The following RFTN1 variants were observed in gnomAD, a reference collection of about 807,000 sequenced individuals.
RFTN1 encodes raftlin, lipid raft linker 1, also known as raftlin.
Under a neutral mutation model 46.5 loss-of-function variants are expected in RFTN1, and 26 were observed. The ratio of observed to expected loss-of-function variants is 0.56; its 90% confidence interval spans 0.41 to 0.78. The LOEUF (loss-of-function observed/expected upper bound fraction) is 0.78, where lower values mean the gene tolerates loss of function less well. Ranked by LOEUF, RFTN1 falls within the 30% of genes least tolerant of loss-of-function variation. The pLI, the probability that RFTN1 is intolerant of heterozygous loss-of-function variation, is 0.00. For synonymous variants in RFTN1, 261 were observed against 284.2 expected (o/e 0.92, Z 0.82); for missense variants, 693 against 718.7 (o/e 0.96, Z 0.41).
chr3:16,381,913 C>G lies in RFTN1; in HGVS notation c.442-3811G>C, dbSNP rs2074006832. On this transcript the variant is annotated intron_variant, in intron 4 of 9. Transcript: ENST00000334133. The surrounding 1 kb of genome is among the most constrained non-coding windows in gnomAD (Gnocchi z 4.2). Reference sequence around the variant, plus strand: ...CCGACTCTCCCACCACAGTCATAACCTCAAGAGCAGAGGAGAGTGGGAGTC... The same window carrying G: ...CCGACTCTCCCACCACAGTCATAACGTCAAGAGCAGAGGAGAGTGGGAGTC... Among the ~76,000 whole-genome samples the G allele has an allele frequency of 6.6e-6, 1 of 152,164 alleles. No individual in the cohort carries two copies. The highest frequency in any genetic ancestry group is 6.5e-5 in the Admixed American group (1 of 15,278).
chr3:16,439,455 T>A (rs552207606), intron 2 of RFTN1, among the ~76,000 whole-genome samples: 1 of 152,324 alleles, frequency 6.6e-6, no homozygotes, highest in South Asian at 2.1e-4. Context: ...CCCCATCTCT[T>A]GGGACTCTCA....
Position 16,351,806 on chromosome 3 carries a change from C to T in RFTN1, c.1146+6126G>A, listed in dbSNP as rs2072123419. Among the ~76,000 whole-genome samples, 1 of 152,128 alleles carries T rather than the reference C, an allele frequency of 6.6e-6. No homozygotes were observed. The highest frequency in any genetic ancestry group is 2.1e-4 in the South Asian group (1 of 4,828). ...CTAAGTTGAATTCCTTGAATAGACT[C>T]AGCAAAGAACAATCACTAAAAAGTA... On this transcript the variant is annotated intron_variant, in intron 7 of 9. Coordinates refer to ENST00000334133, the MANE Select transcript of RFTN1 (RefSeq NM_015150.2). The surrounding 1 kb of genome is among the most constrained non-coding windows in gnomAD (Gnocchi z 5.4).
chr3:16,360,519 T>C (rs1230497143), intron 6 of RFTN1, among the ~76,000 whole-genome samples: 1 of 152,218 alleles, frequency 6.6e-6, no homozygotes, highest in Non-Finnish European at 1.5e-5. Context: ...GGTATGGTGA[T>C]ATGCAAAAGT....
Position 16,316,801 on chromosome 3 carries a change from C to A in RFTN1, c.*27G>T. 1.2e-6 allele frequency: 2 copies of A among 1,612,840 alleles called. No individual in the cohort carries two copies. The highest frequency in any genetic ancestry group is 1.7e-6 in the Non-Finnish European group (2 of 1,179,742). ...AGATGCCTTGGGTTTGGCAACTCACCTAGTTTTAGCACAAATTGCCCAAGA... is the reference window on the plus strand; with the variant it reads ...AGATGCCTTGGGTTTGGCAACTCACATAGTTTTAGCACAAATTGCCCAAGA... On this transcript the variant is annotated 3_prime_UTR_variant, in exon 10 of 10. Transcript: ENST00000334133. The surrounding 1 kb of genome is among the most constrained non-coding windows in gnomAD (Gnocchi z 4.5).
Position 16,458,710 on chromosome 3 carries a change from G to A in RFTN1, c.146-24673C>T, listed in dbSNP as rs1441532841. On this transcript the variant is annotated intron_variant, in intron 2 of 9. Transcript: ENST00000334133. The surrounding 1 kb of genome is among the most constrained non-coding windows in gnomAD (Gnocchi z 5.1). Reference sequence around the variant, plus strand: ...AAAACTCAGATCCACAAAACAGCAAGAAGCCAAATAATTCTCAAAACCATA... The same window carrying A: ...AAAACTCAGATCCACAAAACAGCAAAAAGCCAAATAATTCTCAAAACCATA... Among the ~76,000 whole-genome samples the A allele has an allele frequency of 6.6e-6, 1 of 152,174 alleles. No homozygotes were observed. The highest frequency in any genetic ancestry group is 2.4e-5 in the African/African-American group (1 of 41,446).
chr3:16,356,845 G>A lies in RFTN1; in HGVS notation c.1146+1087C>T, dbSNP rs921258410. Among the ~76,000 whole-genome samples the A allele has an allele frequency of 3.3e-5, 5 of 152,294 alleles. 1 individual carries two copies. Among genetic ancestry groups the A allele is most frequent in the Admixed American group, 3.3e-4 (5 of 15,302 alleles). On this transcript the variant is annotated intron_variant, in intron 7 of 9. Coordinates refer to ENST00000334133, the MANE Select transcript of RFTN1 (RefSeq NM_015150.2). This position sits in a 1 kb window ranked among gnomAD's most constrained non-coding sequence, Gnocchi z 4.9. ...TTCTCTATGTCCATGGCTGGGCACG[G>A]TGGCTCACGCTGTAATCCCAGCACT...
chr3:16,451,714 A>G lies in RFTN1; in HGVS notation c.146-17677T>C, dbSNP rs1356890251. ...TAACTTTTGCAGCCTGAGGTGTGAC[A>G]GCAAAACTACTAGCGTGATTTTTTT... On this transcript the variant is annotated intron_variant, in intron 2 of 9. Coordinates refer to ENST00000334133, the MANE Select transcript of RFTN1 (RefSeq NM_015150.2). This position sits in a 1 kb window ranked among gnomAD's most constrained non-coding sequence, Gnocchi z 4.2. Among the ~76,000 whole-genome samples the G allele has an allele frequency of 6.6e-6, 1 of 152,238 alleles. No homozygotes were observed. The highest frequency in any genetic ancestry group is 2.4e-5 in the African/African-American group (1 of 41,454).
intron 2 of RFTN1, 119 bp downstream of exon 2, chr3:16,493,606 G>T: frequency 1.1e-6 from 1 of 946,516 alleles, no homozygotes; most frequent in Non-Finnish European, 1.6e-6. Flanking sequence ...AGACAGGCCT[G>T]CCCTTTTCAT....
rs2124968604 is a variant in RFTN1 at position 16,480,914 on chromosome 3, G to C, written c.145+12811C>G. ...TTGACAGATAACAGTCATCAGCAAGGAATTTCATTTTACTGAAGGCAGGCT... is the reference window on the plus strand; with the variant it reads ...TTGACAGATAACAGTCATCAGCAAGCAATTTCATTTTACTGAAGGCAGGCT... On this transcript the variant is annotated intron_variant, in intron 2 of 9. Coordinates refer to ENST00000334133, the MANE Select transcript of RFTN1 (RefSeq NM_015150.2). This position sits in a 1 kb window ranked among gnomAD's most constrained non-coding sequence, Gnocchi z 4.3. Among the ~76,000 whole-genome samples, 1 of 152,002 alleles carries C rather than the reference G, an allele frequency of 6.6e-6. No individual in the cohort carries two copies. The highest frequency in any genetic ancestry group is 2.1e-4 in the South Asian group (1 of 4,812).
rs1048535016 is a variant in RFTN1, at chr3:16,473,440, G to T, written c.145+20285C>A. 6.7e-6 allele frequency among the ~76,000 whole-genome samples: 1 copy of T among 149,716 alleles called. No homozygotes were observed. Among genetic ancestry groups the T allele is most frequent in the African/African-American group, 2.5e-5 (1 of 40,350 alleles). On this transcript the variant is annotated intron_variant, in intron 2 of 9. Coordinates refer to ENST00000334133, the MANE Select transcript of RFTN1 (RefSeq NM_015150.2). This position sits in a 1 kb window ranked among gnomAD's most constrained non-coding sequence, Gnocchi z 5.3. ...TCCTGAGATAGAGTCTGGCTCTGTC[G>T]CCAAGGCTGGAGTGCAGTGGTGTGA...
At chr3:16,375,530 G>A (rs1559304247) in intron 5 of RFTN1, among the ~76,000 whole-genome samples, 1 of 151,966 alleles carries the variant, frequency 6.6e-6, no homozygotes, top group Non-Finnish European at 1.5e-5. Flanking sequence ...ACCACTGAAA[G>A]GCTTATATGT....
In RFTN1 at chr3:16,381,770, T is replaced by C. The variant is rs1328575583; in HGVS notation, c.442-3668A>G. 6.6e-6 allele frequency among the ~76,000 whole-genome samples: 1 copy of C among 152,048 alleles called. No homozygotes were observed. Among genetic ancestry groups the C allele is most frequent in the African/African-American group, 2.4e-5 (1 of 41,392 alleles). ...CTAGAAATATTTCTGGAACATGACA[T>C]GAGAAACCAAGAGGAGCCCAGAAAT... On this transcript the variant is annotated intron_variant, in intron 4 of 9. Coordinates refer to ENST00000334133, the MANE Select transcript of RFTN1 (RefSeq NM_015150.2). This position sits in a 1 kb window ranked among gnomAD's most constrained non-coding sequence, Gnocchi z 4.2.
rs114508693 is a variant in RFTN1, at chr3:16,421,705, C to G, written c.332+12146G>C. Among the ~76,000 whole-genome samples, 5 of 152,132 alleles carry G rather than the reference C, an allele frequency of 3.3e-5. No homozygotes were observed. Among genetic ancestry groups the G allele is most frequent in the Admixed American group, 2.0e-4 (3 of 15,268 alleles). On this transcript the variant is annotated intron_variant, in intron 3 of 9. Coordinates refer to ENST00000334133, the MANE Select transcript of RFTN1 (RefSeq NM_015150.2). This position sits in a 1 kb window ranked among gnomAD's most constrained non-coding sequence, Gnocchi z 4.6. ...CCCACAAAGCTCTTATGGGCAGAGA[C>G]GGGTCAGTGTAGCCATTTCCACATG...
chr3:16,410,009 TA>T lies in RFTN1; in HGVS notation c.333-527del, dbSNP rs1312848819. 1.4e-4 allele frequency among the ~76,000 whole-genome samples: 20 copies of T among 144,832 alleles called. No individual in the cohort carries two copies. Among genetic ancestry groups the T allele is most frequent in the South Asian group, 1.1e-3 (5 of 4,616 alleles). ...GACGCAGAATATTTTTTTTTTTTTTTAAAAAGAATCATTGGGTCTTTAATGA... is the reference window on the plus strand; with the variant it reads ...GACGCAGAATATTTTTTTTTTTTTTTAAAAGAATCATTGGGTCTTTAATGA... On this transcript the variant is annotated intron_variant, in intron 3 of 9. Transcript: ENST00000334133. The surrounding 1 kb of genome is among the most constrained non-coding windows in gnomAD (Gnocchi z 4.6).
At chr3:16,444,522 C>G (rs957708804) in intron 2 of RFTN1, among the ~76,000 whole-genome samples, 1 of 152,176 alleles carries the variant, frequency 6.6e-6, no homozygotes, top group Non-Finnish European at 1.5e-5. Flanking sequence ...TGTGAGAGTA[C>G]TCCTGCAATG....
intron 8 of RFTN1, among the ~76,000 whole-genome samples, chr3:16,325,129 A>G (rs6765960): frequency 0.56 from 85,005 of 152,076 alleles, 23,778 homozygotes; most frequent in African/African-American, 0.59. Context: ...ACTAATATTT[A>G]CTCTGCACCT....
chr3:16,416,346 CG>C (rs575518381), intron 3 of RFTN1: 8 of 331,482 alleles, frequency 2.4e-5, no homozygotes, highest in South Asian at 1.2e-4. Context: ...ATCTGAGCCC[CG>C]TTAAGTTTTA....
chr3:16,419,056 C>G (rs2075137862), intron 3 of RFTN1, among the ~76,000 whole-genome samples: 1 of 152,186 alleles, frequency 6.6e-6, no homozygotes, highest in Non-Finnish European at 1.5e-5. Context: ...AAAGGACATT[C>G]TAGGCCTGAG....
At chr3:16,364,718 T>C (rs2073048380) in intron 6 of RFTN1, among the ~76,000 whole-genome samples, 1 of 152,200 alleles carries the variant, frequency 6.6e-6, no homozygotes, top group African/African-American at 2.4e-5. Context: ...TAGCTGTGTA[T>C]TTGACACAAT....
Sources: allele counts gnomAD v4.1 joint callset (sites outside exome capture counted in the v4.1 genomes callset), GRCh38; gene constraint gnomAD v4.1.1; non-coding constraint Gnocchi (gnomAD v3.1); transcripts MANE v1.5; gene names NCBI Gene and HGNC (gene_info 2026-07-23, HGNC 2026-07-21).